PACS2: variants seen among roughly 807,000 people sequenced by gnomAD.
PACS2 encodes the protein phosphofurin acidic cluster sorting protein 2.
PACS2 carries 36 observed loss-of-function variants against 113.0 expected under a neutral mutation model. The ratio of observed to expected loss-of-function variants is 0.32; its 90% CI spans 0.24 to 0.42. The LOEUF (loss-of-function observed/expected upper bound fraction) is 0.42, where lower values mean the gene tolerates loss of function less well. PACS2 is among the 10% of genes least tolerant of loss of function. The probability of loss-of-function intolerance (pLI) is 1.00; values close to 1 mark genes in which losing one functional copy is unlikely to be tolerated. For synonymous variants in PACS2, 589 were observed against 536.1 expected, an observed-to-expected ratio of 1.10 and a Z score of -1.36; for missense variants, 1,015 against 1,239.5, an observed-to-expected ratio of 0.82 and a Z score of 2.72.
intron 2 of PACS2, among the ~76,000 whole-genome samples, chr14:105,350,261 C>T (rs1355368867): frequency 6.6e-6 from 1 of 152,146 alleles, no homozygotes; most frequent in Non-Finnish European, 1.5e-5. Context: ...GTCAGGGTCT[C>T]ATTGGGTCTT....
In PACS2 at chr14:105,384,865, T is replaced by A; in HGVS notation, c.1892-14T>A. 1 of 1,456,150 alleles carries A rather than the reference T, an allele frequency of 6.9e-7. No homozygotes were observed. The highest frequency in any genetic ancestry group is 9.4e-7 in the Non-Finnish European group (1 of 1,058,450). The allele number at this position is 1,456,150 out of a possible 1,614,324, so 90.2% of individuals were successfully genotyped here. On this transcript the variant is annotated splice_polypyrimidine_tract_variant and intron_variant, in intron 17 of 24. Coordinates refer to ENST00000447393, the MANE Select transcript of PACS2 (RefSeq NM_001100913.3). ...GGCACCAGCCTAACCCCCCACCGCC[T>A]CCTCCCCCTGCAGTACAGGACACGC...
At chr14:105,389,745 A>C (rs188431795) in intron 19 of PACS2, 13 of 599,200 alleles carry the variant, frequency 2.2e-5, no homozygotes, top group Admixed American at 2.1e-4. Context: ...AGCATGTCAG[A>C]AGGGGCCCAG....
At chr14:105,349,933 C>CTGAGAACTTCCAGGAGAG (rs2060100365) in intron 2 of PACS2, among the ~76,000 whole-genome samples, 3 of 150,678 alleles carry the variant, frequency 2.0e-5, no homozygotes, top group African/African-American at 7.5e-5. Context: ...ATGCAGGACC[C>CTGAGAACTTCCAGGAGAG]CGAGAACTTC....
At chr14:105,384,631 A>G (rs1321599560) in intron 17 of PACS2, among the ~76,000 whole-genome samples, 168 bp downstream of exon 17, 1 of 152,094 alleles carries the variant, frequency 6.6e-6, no homozygotes, top group African/African-American at 2.4e-5. Context: ...TATTCCCCTG[A>G]GCCTTGGAAT....
In PACS2 at chr14:105,340,812, C is replaced by T. The variant is rs2059694423; in HGVS notation, c.120-7681C>T. ...ATCTCCTGTCCTGGCTTGGCTTCTG[C>T]CCCTGGGTCCGTGGTGGCTGCCTGG... On this transcript the variant is annotated intron_variant, in intron 1 of 24. Transcript: ENST00000447393. This position sits in a 1 kb window ranked among gnomAD's most constrained non-coding sequence, Gnocchi z 4.2. 6.6e-6 allele frequency among the ~76,000 whole-genome samples: 1 copy of T among 152,236 alleles called. No individual in the cohort carries two copies. The highest frequency in any genetic ancestry group is 2.4e-5 in the African/African-American group (1 of 41,460).
chr14:105,319,418 C>T (rs949420014), intron 1 of PACS2, among the ~76,000 whole-genome samples: 6 of 152,192 alleles, frequency 3.9e-5, no homozygotes, highest in African/African-American at 1.2e-4. Context: ...TTACAAGATT[C>T]TGCTGTCATG....
In PACS2 at chr14:105,342,807, C is replaced by T. The variant is rs587731349; in HGVS notation, c.120-5686C>T. Among the ~76,000 whole-genome samples, 76 of 151,616 alleles carry T rather than the reference C, an allele frequency of 5.0e-4. No homozygotes were observed. The East Asian group carries it at 0.014, about 27-fold the overall frequency. ...AAAATTAGCTGGGTGTGGTGGTGCACGCCTGTAGTCCCAGCTACTCAGGAG... is the reference window on the plus strand; with the variant it reads ...AAAATTAGCTGGGTGTGGTGGTGCATGCCTGTAGTCCCAGCTACTCAGGAG... On this transcript the variant is annotated intron_variant, in intron 1 of 24. Coordinates refer to ENST00000447393, the MANE Select transcript of PACS2 (RefSeq NM_001100913.3).
chr14:105,347,361 C>T (rs2059979943), intron 1 of PACS2, among the ~76,000 whole-genome samples: 1 of 152,102 alleles, frequency 6.6e-6, no homozygotes, highest in Non-Finnish European at 1.5e-5. Flanking sequence ...GACTGCCTTC[C>T]CACCGCCATG....
At position 105,368,161 on chromosome 14, in the gene PACS2, G is replaced by A. The variant is rs782245694; in HGVS notation, c.660+14G>A. On this transcript the variant is annotated intron_variant, in intron 6 of 24. Coordinates refer to ENST00000447393, the MANE Select transcript of PACS2 (RefSeq NM_001100913.3). The stretch of plus-strand genomic sequence containing the variant: ...GTGCAGGGGCAGGTGACCTGGGGCC[G>A]GGGCTCCGCGCCCTCTCCTGGCTCA... 26 of 1,575,944 alleles carry A rather than the reference G, an allele frequency of 1.6e-5. No individual in the cohort carries two copies. Among genetic ancestry groups the A allele is most frequent in the Middle Eastern group, 1.7e-4 (1 of 5,902 alleles).
chr14:105,348,128 C>T lies in PACS2; in HGVS notation c.120-365C>T, dbSNP rs1050687098. 2.0e-5 allele frequency among the ~76,000 whole-genome samples: 3 copies of T among 152,182 alleles called. No individual in the cohort carries two copies. Among genetic ancestry groups the T allele is most frequent in the African/African-American group, 7.2e-5 (3 of 41,440 alleles). ...CCGCGGGAGAGGGGAGGCCTGTGCT[C>T]TCACAGCTGGGAGCTGGCTCAGGAC... On this transcript the variant is annotated intron_variant, in intron 1 of 24. Transcript: ENST00000447393. The surrounding 1 kb of genome is among the most constrained non-coding windows in gnomAD (Gnocchi z 6.4).
At chr14:105,349,869 C>G (rs1267208935) in intron 2 of PACS2, among the ~76,000 whole-genome samples, 2 of 147,954 alleles carry the variant, frequency 1.4e-5, no homozygotes, top group Admixed American at 6.6e-5. Flanking sequence ...GGAGAACTTC[C>G]AGGAGAGCGT....
intron 21 of PACS2, 119 bp from the exon 22 acceptor site, chr14:105,391,512 T>TGGCCCCCCCCCCCCCCCCC: frequency 1.3e-5 from 8 of 611,308 alleles, no homozygotes; most frequent in East Asian, 5.8e-5. Context: ...CACTGGGGAC[T>TGGCCCCCCCCCCCCCCCCC]CCCACCCTGC....
At chr14:105,327,590 C>T (rs900025647) in intron 1 of PACS2, among the ~76,000 whole-genome samples, 1 of 152,242 alleles carries the variant, frequency 6.6e-6, no homozygotes, top group Non-Finnish European at 1.5e-5. Context: ...CATCTCATGC[C>T]TCTGCCGCTT....
intron 12 of PACS2, 149 bp downstream of exon 12, chr14:105,381,248 A>C: frequency 1.6e-6 from 1 of 642,560 alleles, no homozygotes; most frequent in South Asian, 2.5e-5. Context: ...GTCCTTCTTA[A>C]AAAGGAGAAG....
intron 1 of PACS2, among the ~76,000 whole-genome samples, chr14:105,336,900 A>C (rs1555400629): frequency 6.7e-6 from 1 of 149,424 alleles, no homozygotes; most frequent in African/African-American, 2.5e-5. Context: ...ACCCGGGAGC[A>C]CTGACGCAGG....
rs587646599 is a variant in PACS2 at position 105,330,323 on chromosome 14, A to G, written c.119+15286A>G. ...AGAAGCCTGGGGTCCGTGTGTGGGA[A>G]GGAACGGGGACAGGAGCCTCCAAGA... On this transcript the variant is annotated intron_variant, in intron 1 of 24. Transcript: ENST00000447393. The surrounding 1 kb of genome is among the most constrained non-coding windows in gnomAD (Gnocchi z 6.9). 9.2e-5 allele frequency among the ~76,000 whole-genome samples: 12 copies of G among 131,032 alleles called. No homozygotes were observed. The highest frequency in any genetic ancestry group is 2.0e-4 in the Non-Finnish European group (12 of 61,242). 86.0% of individuals were successfully genotyped at this position (131,032 alleles called of 152,430 possible). A position where few individuals can be genotyped will look rare whatever the true frequency, so the allele number is the denominator to read the frequency against.
intron 1 of PACS2, among the ~76,000 whole-genome samples, chr14:105,334,549 G>A (rs1041425075): frequency 1.3e-5 from 2 of 151,988 alleles, no homozygotes; most frequent in Non-Finnish European, 2.9e-5. Flanking sequence ...GAGGGCCAGT[G>A]CCTACGTAGA....
intron 2 of PACS2, among the ~76,000 whole-genome samples, chr14:105,349,091 G>A (rs2060052726): frequency 1.3e-5 from 2 of 152,172 alleles, no homozygotes; most frequent in Admixed American, 1.3e-4. Context: ...GGGTCATGCT[G>A]GTGTCTTCCC....
intron 15 of PACS2, 173 bp downstream of exon 15, chr14:105,383,086 C>T (rs1026370048): frequency 2.1e-5 from 13 of 625,664 alleles, no homozygotes; most frequent in East Asian, 5.5e-5. Flanking sequence ...CAGTTGTGGG[C>T]GGGAGCAGCA....
Sources: gnomAD v4.1 joint callset for allele counts (sites outside exome capture counted in the v4.1 genomes callset) on GRCh38, gnomAD v4.1.1 for gene constraint, Gnocchi (gnomAD v3.1) non-coding constraint, MANE v1.5 for transcripts, NCBI Gene and HGNC (gene_info 2026-07-23, HGNC 2026-07-21) for gene names.